DIAPH2: variants seen among roughly 807,000 people sequenced by gnomAD.
DIAPH2 encodes the protein protein diaphanous homolog 2.
DIAPH2 carries 35 observed loss-of-function variants against 92.7 expected under a neutral mutation model. That is an observed-to-expected ratio of 0.38 (90% CI 0.29 to 0.50). DIAPH2 has a LOEUF of 0.50. Ranked by LOEUF, DIAPH2 falls within the 20% of genes least tolerant of loss-of-function variation. The probability of loss-of-function intolerance (pLI) is 0.94; values close to 1 mark genes in which losing one functional copy is unlikely to be tolerated. For synonymous variants in DIAPH2, 301 were observed against 280.4 expected, an observed-to-expected ratio of 1.07 and a Z score of -0.73; for missense variants, 701 against 819.5, an observed-to-expected ratio of 0.86 and a Z score of 1.77.
intron 4 of DIAPH2, among the ~76,000 whole-genome samples, chrX:96,826,036 A>G (rs1380301516): frequency 8.9e-6 from 1 of 111,857 alleles, no homozygotes; most frequent in Non-Finnish European, 1.9e-5. Flanking sequence ...TTTCTTCATG[A>G]ATTCCTTTTT....
intron 22 of DIAPH2, among the ~76,000 whole-genome samples, chrX:97,241,920 C>T (rs927993243): frequency 5.6e-5 from 6 of 107,447 alleles, no homozygotes; most frequent in African/African-American, 1.4e-4. Flanking sequence ...GGATTACAGG[C>T]GCCCACCACC....
intron 20 of DIAPH2, among the ~76,000 whole-genome samples, chrX:97,111,958 GA>G (rs2147375901): frequency 8.9e-6 from 1 of 112,364 alleles, no homozygotes; most frequent in African/African-American, 3.2e-5. Context: ...AGCAAATGTT[GA>G]AAAATGTCTG....
chrX:96,811,562 A>G (rs889488943), intron 4 of DIAPH2, among the ~76,000 whole-genome samples: 2 of 111,625 alleles, frequency 1.8e-5, no homozygotes, highest in Non-Finnish European at 3.8e-5. Context: ...ACTATGTTGA[A>G]TAGGAGTGGT....
chrX:97,515,293 C>G (rs2070935897), intron 26 of DIAPH2, among the ~76,000 whole-genome samples: 1 of 112,633 alleles, frequency 8.9e-6, no homozygotes. Flanking sequence ...TCCGTCACCC[C>G]TTTCTTTGAC....
intron 26 of DIAPH2, among the ~76,000 whole-genome samples, chrX:97,527,658 A>G (rs1024673727): frequency 1.2e-4 from 14 of 112,480 alleles, no homozygotes; most frequent in Non-Finnish European, 2.3e-4. Context: ...GAACACATTT[A>G]TCATATACTA....
intron 4 of DIAPH2, among the ~76,000 whole-genome samples, chrX:96,854,939 A>G (rs759837484): frequency 1.8e-5 from 2 of 109,536 alleles, no homozygotes; most frequent in South Asian, 7.8e-4. Flanking sequence ...GTTTTTAGGT[A>G]TATCTCAGAT....
intron 22 of DIAPH2, among the ~76,000 whole-genome samples, chrX:97,237,995 G>A (rs1402858888): frequency 1.8e-5 from 2 of 112,092 alleles, no homozygotes; most frequent in African/African-American, 6.5e-5. Flanking sequence ...AAAGGTAGGA[G>A]ATTTCAGTTT....
intron 26 of DIAPH2, among the ~76,000 whole-genome samples, chrX:97,556,737 G>A (rs761484917): frequency 8.9e-6 from 1 of 111,760 alleles, no homozygotes; most frequent in African/African-American, 3.3e-5. Flanking sequence ...ATGTATTTTC[G>A]GGGGACACAG....
chrX:97,153,968 T>C (rs2067304364), intron 22 of DIAPH2, among the ~76,000 whole-genome samples: 1 of 111,543 alleles, frequency 9.0e-6, no homozygotes, highest in Non-Finnish European at 1.9e-5. Flanking sequence ...AAAAAAGGTA[T>C]GAATATAAAA....
intron 22 of DIAPH2, among the ~76,000 whole-genome samples, chrX:97,241,315 C>T (rs2147540595): frequency 1.8e-5 from 2 of 108,436 alleles, no homozygotes; most frequent in Admixed American, 9.8e-5. Flanking sequence ...TTTTTTTTTC[C>T]CGAGACGGAG....
At chrX:96,844,607 G>A (rs183075508) in intron 4 of DIAPH2, among the ~76,000 whole-genome samples, 1 of 112,197 alleles carries the variant, frequency 8.9e-6, no homozygotes, top group Admixed American at 9.4e-5. Flanking sequence ...TTTATACACA[G>A]ATTCTGAGGA....
At chrX:96,942,902 A>C (rs2065714193) in intron 13 of DIAPH2, among the ~76,000 whole-genome samples, 1 of 111,965 alleles carries the variant, frequency 8.9e-6, no homozygotes, top group Non-Finnish European at 1.9e-5. Flanking sequence ...TTATATGCCA[A>C]TTATATATTA....
At chrX:96,832,940 C>T (rs996088002) in intron 4 of DIAPH2, among the ~76,000 whole-genome samples, 1 of 111,357 alleles carries the variant, frequency 9.0e-6, no homozygotes, top group Admixed American at 9.6e-5. Flanking sequence ...GTATGATTTG[C>T]GAACAATGGA....
chrX:97,094,985 G>C (rs939721354), intron 19 of DIAPH2, among the ~76,000 whole-genome samples: 7 of 107,537 alleles, frequency 6.5e-5, no homozygotes, highest in Admixed American at 2.0e-4. Flanking sequence ...CCATAAAAAA[G>C]TTCTGAAAAA....
At chrX:97,012,261 C>T (rs1390717220) in intron 17 of DIAPH2, among the ~76,000 whole-genome samples, 1 of 112,130 alleles carries the variant, frequency 8.9e-6, no homozygotes, top group East Asian at 2.8e-4. Context: ...TAGCCACTAA[C>T]ATTTATTGGA....
At chrX:97,318,199 C>T (rs1427541330) in intron 23 of DIAPH2, among the ~76,000 whole-genome samples, 3 of 111,291 alleles carry the variant, frequency 2.7e-5, no homozygotes, top group East Asian at 2.8e-4. Context: ...AGTGCAATGG[C>T]GCCATCTCGG....
At chrX:97,474,454 T>C (rs1037348361) in intron 26 of DIAPH2, among the ~76,000 whole-genome samples, 1 of 112,100 alleles carries the variant, frequency 8.9e-6, no homozygotes, top group African/African-American at 3.2e-5. Context: ...CAGAACCTCT[T>C]CCTGCAGAGA....
chrX:96,959,994 G>A (rs1286727171), intron 16 of DIAPH2, among the ~76,000 whole-genome samples: 1 of 110,992 alleles, frequency 9.0e-6, no homozygotes, highest in African/African-American at 3.3e-5. Flanking sequence ...TTTTACATTA[G>A]TACCATGCTG....
At chrX:96,823,365 T>A (rs1415771072) in intron 4 of DIAPH2, among the ~76,000 whole-genome samples, 3 of 111,439 alleles carry the variant, frequency 2.7e-5, no homozygotes, top group Non-Finnish European at 5.7e-5. Context: ...AAAATAATTG[T>A]ATGATAATTT....
Sources: gnomAD v4.1 joint callset for allele counts (sites outside exome capture counted in the v4.1 genomes callset) on GRCh38, gnomAD v4.1.1 for gene constraint, MANE v1.5 for transcripts, NCBI Gene and HGNC (gene_info 2026-07-23, HGNC 2026-07-21) for gene names.